DRAXIN: variants seen among roughly 807,000 people sequenced by gnomAD.
DRAXIN encodes the protein dorsal repulsive axon guidance protein.
DRAXIN carries 27 observed loss-of-function variants against 33.9 expected under a neutral mutation model. That is an observed-to-expected ratio of 0.80 (90% CI 0.59 to 1.10). DRAXIN has a LOEUF of 1.10. DRAXIN is among the 50% of genes least tolerant of loss of function. The probability of loss-of-function intolerance (pLI) is 0.00; values close to 1 mark genes in which losing one functional copy is unlikely to be tolerated. For synonymous variants in DRAXIN, 178 were observed against 194.0 expected (o/e 0.92, Z 0.69); for missense variants, 371 against 460.8 (o/e 0.81, Z 1.78).
intron 1 of DRAXIN, among the ~76,000 whole-genome samples, chr1:11,702,495 C>T (rs1236176433): frequency 6.6e-6 from 1 of 151,578 alleles, no homozygotes; most frequent in African/African-American, 2.4e-5. Flanking sequence ...TTCATGCTCT[C>T]ACATGATCAT....
chr1:11,711,700 C>G, intron 3 of DRAXIN, 151 bp from the exon 4 acceptor site: 1 of 666,852 alleles, frequency 1.5e-6, no homozygotes. Context: ...CGGCAGCCAT[C>G]TTTATGTCCT....
At chr1:11,701,715 G>A (rs1378513740) in intron 1 of DRAXIN, among the ~76,000 whole-genome samples, 1 of 152,128 alleles carries the variant, frequency 6.6e-6, no homozygotes, top group Non-Finnish European at 1.5e-5. Context: ...AACCCGGGCC[G>A]GGCAGAACCG....
intron 5 of DRAXIN, among the ~76,000 whole-genome samples, chr1:11,714,525 G>A (rs72638650): frequency 0.095 from 14,455 of 152,256 alleles, 690 homozygotes; most frequent in South Asian, 0.11. Context: ...ACACCTCCAC[G>A]GCACCACGAT....
chr1:11,704,289 C>T lies in DRAXIN; in HGVS notation c.-10-1960C>T, dbSNP rs1044544013. On this transcript the variant is annotated intron_variant, in intron 1 of 6. Transcript: ENST00000294485. The surrounding 1 kb of genome is among the most constrained non-coding windows in gnomAD (Gnocchi z 4.6). ...GGCAGGGCTGGGTCTCGGACATGGA[C>T]GGGATCCCATATGCGCTTGGCCTTT... Among the ~76,000 whole-genome samples the T allele has an allele frequency of 2.0e-5, 3 of 152,172 alleles. No homozygotes were observed. Among genetic ancestry groups the T allele is most frequent in the Admixed American group, 1.3e-4 (2 of 15,270 alleles).
upstream of DRAXIN, chr1:11,691,648 C>G (rs1641070157): frequency 6.7e-6 from 1 of 149,680 alleles, no homozygotes; most frequent in African/African-American, 2.4e-5. Context: ...GCCGCCCCTC[C>G]TCTGTCCCCT....
At position 11,692,566 on chromosome 1, in the gene DRAXIN, G is replaced by A. The variant is rs1303887404; in HGVS notation, c.-11+713G>A. Among the ~76,000 whole-genome samples, 1 of 152,186 alleles carries A rather than the reference G, an allele frequency of 6.6e-6. No individual in the cohort carries two copies. Among genetic ancestry groups the A allele is most frequent in the African/African-American group, 2.4e-5 (1 of 41,426 alleles). ...GCTTTTGGCTTTTCTCCGTCCGCTCGTCAAGGGTCTCAGCCGCCTTCGGGG... is the reference window on the plus strand; with the variant it reads ...GCTTTTGGCTTTTCTCCGTCCGCTCATCAAGGGTCTCAGCCGCCTTCGGGG... On this transcript the variant is annotated intron_variant, in intron 1 of 6. Coordinates refer to ENST00000294485, the MANE Select transcript of DRAXIN (RefSeq NM_198545.4). This position sits in a 1 kb window ranked among gnomAD's most constrained non-coding sequence, Gnocchi z 5.8.
rs531500949 is a variant in DRAXIN at position 11,725,091 on chromosome 1, C to T, written c.*5395C>T. ...TACGGTCCCGGGCCAGTAACAGCAC[C>T]TGGGAGCTTGGTAGAAATGCAGAAT... On this transcript the variant is annotated 3_prime_UTR_variant, in exon 7 of 7. Coordinates refer to ENST00000294485, the MANE Select transcript of DRAXIN (RefSeq NM_198545.4). 1 of 152,186 alleles carries T rather than the reference C, an allele frequency of 6.6e-6. No individual in the cohort carries two copies. The highest frequency in any genetic ancestry group is 1.5e-5 in the Non-Finnish European group (1 of 68,066). The allele number at this position is 152,186 out of a possible 1,614,324, so 9.4% of individuals were successfully genotyped here.
Position 11,693,724 on chromosome 1 carries a change from C to A in DRAXIN, c.-11+1871C>A, listed in dbSNP as rs72869760. Among the ~76,000 whole-genome samples, 1,069 of 152,280 alleles carry A rather than the reference C, an allele frequency of 7.0e-3. 13 individuals carry two copies. Among genetic ancestry groups the A allele is most frequent in the African/African-American group, 0.024 (1,011 of 41,538 alleles). ...CCGGCCCTTCATACCATCTCTACCCCCTGCCTTCTGCAGCAAAGCCAGCTC... is the reference window on the plus strand; with the variant it reads ...CCGGCCCTTCATACCATCTCTACCCACTGCCTTCTGCAGCAAAGCCAGCTC... On this transcript the variant is annotated intron_variant, in intron 1 of 6. Coordinates refer to ENST00000294485, the MANE Select transcript of DRAXIN (RefSeq NM_198545.4).
rs879037624 is a variant in DRAXIN at position 11,721,347 on chromosome 1, A to G, written c.*1651A>G. On this transcript the variant is annotated 3_prime_UTR_variant, in exon 7 of 7. Coordinates refer to ENST00000294485, the MANE Select transcript of DRAXIN (RefSeq NM_198545.4). Reference sequence around the variant, plus strand: ...GCCCACCCAGGACATCTGTCCCAGCAGATCTGGCTTCAGGGGTCACTTCAG... The same window carrying G: ...GCCCACCCAGGACATCTGTCCCAGCGGATCTGGCTTCAGGGGTCACTTCAG... 1 of 152,230 alleles carries G rather than the reference A, an allele frequency of 6.6e-6. No individual in the cohort carries two copies. The highest frequency in any genetic ancestry group is 2.1e-4 in the South Asian group (1 of 4,836). 9.4% of individuals were successfully genotyped at this position (152,230 alleles called of 1,614,324 possible). A position where few individuals can be genotyped will look rare whatever the true frequency, so the allele number is the denominator to read the frequency against.
intron 1 of DRAXIN, among the ~76,000 whole-genome samples, chr1:11,702,353 C>G (rs368270024): frequency 0.021 from 3,116 of 147,754 alleles, 97 homozygotes; most frequent in African/African-American, 0.076. Flanking sequence ...CATACACTGA[C>G]AACACACACA....
chr1:11,690,732 C>T (rs1483192869), upstream of DRAXIN, among the ~76,000 whole-genome samples: 1 of 152,170 alleles, frequency 6.6e-6, no homozygotes, highest in East Asian at 1.9e-4. The surrounding 1 kb of genome is among the most constrained non-coding windows in gnomAD (Gnocchi z 4.2). Context: ...GTCCGTGGCC[C>T]CACCGACCCC....
At chr1:11,711,649 C>T (rs936131945) in intron 3 of DRAXIN, among the ~76,000 whole-genome samples, 2 of 152,184 alleles carry the variant, frequency 1.3e-5, no homozygotes, top group Admixed American at 6.5e-5. Context: ...AATGGCTGCA[C>T]AGGAAGGAAA....
At chr1:11,702,560 CCACA>C (rs530726755) in intron 1 of DRAXIN, among the ~76,000 whole-genome samples, 3 of 151,232 alleles carry the variant, frequency 2.0e-5, no homozygotes, top group Admixed American at 2.0e-4. Flanking sequence ...GCTAACACTC[CCACA>C]CACTCACTAC....
At position 11,719,590 on chromosome 1, in the gene DRAXIN, G is replaced by A; in HGVS notation, c.944G>A (p.Arg315His). Reference protein sequence around the residue: ...FDDCMCVEGLRCYAKFHRNRR... With the variant: ...FDDCMCVEGLHCYAKFHRNRR... ...CTTGCCTCCACTCGCCCAGGGCTGC[G>A]CTGCTATGCCAAATTCCACCGGAAC... The change falls in exon 7 of 7, where the codon CGC (arginine) becomes CAC (histidine). Residue 315 changes from arginine (R) to histidine (H), a missense_variant. Transcript: ENST00000294485. The A allele has an allele frequency of 1.9e-6, 3 of 1,612,098 alleles. No homozygotes were observed. The highest frequency in any genetic ancestry group is 2.7e-5 in the African/African-American group (2 of 75,008).
At chr1:11,716,677 TTTAA>T (rs565855616) in intron 6 of DRAXIN, among the ~76,000 whole-genome samples, 39 of 152,256 alleles carry the variant, frequency 2.6e-4, no homozygotes, top group Non-Finnish European at 5.0e-4. Context: ...TTAAATTTAA[TTTAA>T]TTATTTTTTG....
At position 11,724,631 on chromosome 1, in the gene DRAXIN, T is replaced by C. The variant is rs1641713953; in HGVS notation, c.*4935T>C. On this transcript the variant is annotated 3_prime_UTR_variant, in exon 7 of 7. Coordinates refer to ENST00000294485, the MANE Select transcript of DRAXIN (RefSeq NM_198545.4). ...TCAACCCACCCAACAAAACCTAACATTGAGGTGGTGGGCACACGGCCCCTG... is the reference window on the plus strand; with the variant it reads ...TCAACCCACCCAACAAAACCTAACACTGAGGTGGTGGGCACACGGCCCCTG... 2.0e-5 allele frequency: 3 copies of C among 152,218 alleles called. No individual in the cohort carries two copies. Among genetic ancestry groups the C allele is most frequent in the African/African-American group, 7.2e-5 (3 of 41,448 alleles). The allele number at this position is 152,218 out of a possible 1,614,324, so 9.4% of individuals were successfully genotyped here. A position where few individuals can be genotyped will look rare whatever the true frequency, so the allele number is the denominator to read the frequency against.
chr1:11,688,569 A>G (rs2100721604), upstream of DRAXIN, among the ~76,000 whole-genome samples: 1 of 152,266 alleles, frequency 6.6e-6, no homozygotes, highest in Admixed American at 6.5e-5. The surrounding 1 kb of genome is among the most constrained non-coding windows in gnomAD (Gnocchi z 4.6). Flanking sequence ...TCAAAAAAAA[A>G]AAAGAAAAAG....
At chr1:11,697,744 G>A (rs765222805) in intron 1 of DRAXIN, among the ~76,000 whole-genome samples, 2 of 152,136 alleles carry the variant, frequency 1.3e-5, no homozygotes, top group South Asian at 2.1e-4. Flanking sequence ...GATCTCCATC[G>A]CAAGGAGGCA....
At chr1:11,701,080 A>T (rs1641266604) in intron 1 of DRAXIN, among the ~76,000 whole-genome samples, 1 of 152,130 alleles carries the variant, frequency 6.6e-6, no homozygotes, top group South Asian at 2.1e-4. Context: ...CTCCCCTAGG[A>T]TGGGGGACAA....
Sources: allele counts gnomAD v4.1 joint callset (sites outside exome capture counted in the v4.1 genomes callset), GRCh38; gene constraint gnomAD v4.1.1; non-coding constraint Gnocchi (gnomAD v3.1); transcripts MANE v1.5; gene names NCBI Gene and HGNC (gene_info 2026-07-23, HGNC 2026-07-21).